The following KATNA1 variants were observed in gnomAD, a reference collection of about 807,000 sequenced individuals.
KATNA1 encodes katanin p60 ATPase-containing subunit A1.
A neutral mutation model predicts 62.6 loss-of-function variants in KATNA1; 42 were observed. The ratio of observed to expected loss-of-function variants is 0.67; its 90% CI spans 0.52 to 0.87. The LOEUF (loss-of-function observed/expected upper bound fraction) is 0.87, where lower values mean the gene tolerates loss of function less well. KATNA1 is among the 40% of genes least tolerant of loss of function. The probability of loss-of-function intolerance (pLI) is 0.00; values close to 1 mark genes in which losing one functional copy is unlikely to be tolerated. For synonymous variants in KATNA1, 186 were observed against 201.9 expected, an observed-to-expected ratio of 0.92 and a Z score of 0.67; for missense variants, 498 against 612.5, an observed-to-expected ratio of 0.81 and a Z score of 1.97.
chr6:149,634,488 GTTTCATTTTTGTCAAAC>G (rs1340645958), intron 2 of KATNA1, among the ~76,000 whole-genome samples: 1 of 151,908 alleles, frequency 6.6e-6, no homozygotes, highest in Non-Finnish European at 1.5e-5. Context: ...ACTTGTGAAA[GTTTCATTTTTGTCAAAC>G]TTTTATTTTT....
At chr6:149,645,967 A>T (rs1055962378) in intron 1 of KATNA1, among the ~76,000 whole-genome samples, 1 of 152,044 alleles carries the variant, frequency 6.6e-6, no homozygotes, top group Non-Finnish European at 1.5e-5. Flanking sequence ...GAGTTCTAAG[A>T]TTCTTATTCT....
At chr6:149,642,307 A>G (rs1780321624) in intron 1 of KATNA1, among the ~76,000 whole-genome samples, 2 of 152,306 alleles carry the variant, frequency 1.3e-5, no homozygotes, top group African/African-American at 2.4e-5. Context: ...ATAAACTGGC[A>G]TAGTCATTTT....
chr6:149,616,678 C>A (rs866332131), intron 4 of KATNA1, among the ~76,000 whole-genome samples: 7 of 152,028 alleles, frequency 4.6e-5, no homozygotes, highest in Admixed American at 2.6e-4. Context: ...CACTTGAACC[C>A]GGTAAGCGGA....
At chr6:149,623,964 G>A (rs916999503) in intron 3 of KATNA1, among the ~76,000 whole-genome samples, 1 of 152,106 alleles carries the variant, frequency 6.6e-6, no homozygotes, top group African/African-American at 2.4e-5. Context: ...TACAATACAA[G>A]TATTCAATTC....
chr6:149,643,123 C>T (rs1780352839), intron 1 of KATNA1, among the ~76,000 whole-genome samples: 1 of 152,200 alleles, frequency 6.6e-6, no homozygotes, highest in African/African-American at 2.4e-5. Context: ...GCTCATGTGG[C>T]AAAGAGCTGA....
intron 4 of KATNA1, among the ~76,000 whole-genome samples, chr6:149,621,467 AC>A (rs906580905): frequency 2.0e-5 from 3 of 149,624 alleles, no homozygotes; most frequent in African/African-American, 7.4e-5. Flanking sequence ...AAACCATCAT[AC>A]CAATGGTATG....
chr6:149,632,744 A>G lies in KATNA1; in HGVS notation c.320+15T>C. 1 of 1,593,380 alleles carries G rather than the reference A, an allele frequency of 6.3e-7. No homozygotes were observed. The highest frequency in any genetic ancestry group is 8.5e-7 in the Non-Finnish European group (1 of 1,174,212). ...CTTCTTGGGATAACTGGTTTCTTAA[A>G]AGGTTTCCACTTACCTTCGTTCAAC... On this transcript the variant is annotated intron_variant, in intron 3 of 10. Transcript: ENST00000367411.
rs144783670 is a variant in KATNA1, at chr6:149,614,080, C to T, written c.501+9023G>A. 2.1e-3 allele frequency among the ~76,000 whole-genome samples: 324 copies of T among 152,258 alleles called. 3 individuals are homozygous for T. Among genetic ancestry groups the T allele is most frequent in the African/African-American group, 7.5e-3 (313 of 41,542 alleles). ...AAAAATCCTGTTCTTTATAGATTAC[C>T]CAGTCTGTGGTATTCTGTGATAGCA... On this transcript the variant is annotated intron_variant, in intron 4 of 10. Transcript: ENST00000367411.
At chr6:149,607,765 G>C (rs1264831610) in intron 4 of KATNA1, among the ~76,000 whole-genome samples, 1 of 152,066 alleles carries the variant, frequency 6.6e-6, no homozygotes, top group Non-Finnish European at 1.5e-5. Context: ...TAAGTCCTTG[G>C]GTTTAAAACT....
Position 149,597,187 on chromosome 6 carries a change from T to C in KATNA1, c.1153A>G (p.Lys385Glu). 6.2e-7 allele frequency: 1 copy of C among 1,613,008 alleles called. No homozygotes were observed. ...KRIYIPLPSAKGREELLRISL... is the reference protein window; with the variant it reads ...KRIYIPLPSAEGREELLRISL... The stretch of plus-strand genomic sequence containing the variant: ...ATTCGTAATAGCTCCTCCCTGCCTT[T>C]TGCTAATGGTAGAAACAAATTTTAA... The change falls in exon 10 of 11, where the codon AAA becomes GAA. Residue 385 changes from lysine to glutamate, a missense_variant and splice_region_variant. Physicochemically the swap from Lys to Glu is moderately conservative, Grantham distance 56. Transcript: ENST00000367411.
intron 4 of KATNA1, among the ~76,000 whole-genome samples, chr6:149,605,922 G>T (rs1473348164): frequency 6.6e-6 from 1 of 151,970 alleles, no homozygotes; most frequent in Non-Finnish European, 1.5e-5. Context: ...GCACCACCAC[G>T]CCCGGCTAAT....
At chr6:149,612,583 T>A (rs762535595) in intron 4 of KATNA1, among the ~76,000 whole-genome samples, 3 of 152,156 alleles carry the variant, frequency 2.0e-5, no homozygotes, top group Non-Finnish European at 4.4e-5. Context: ...AATTTCTCAA[T>A]TCATTTTATA....
rs1432420049 is a variant in KATNA1, at chr6:149,638,756, A to G, written c.-13-196T>C. The stretch of plus-strand genomic sequence containing the variant: ...TTTTTTTTTTTTTTTTTTTTTTTTG[A>G]GACGGAGTCTCGCTCTGTGGCCCCG... On this transcript the variant is annotated intron_variant, in intron 1 of 10. Transcript: ENST00000367411. 9.0e-3 allele frequency among the ~76,000 whole-genome samples: 287 copies of G among 31,828 alleles called. 3 individuals carry two copies. The highest frequency in any genetic ancestry group is 0.014 in the Non-Finnish European group (224 of 16,472). 20.9% of individuals were successfully genotyped at this position (31,828 alleles called of 152,430 possible). A position where few individuals can be genotyped will look rare whatever the true frequency, so the allele number is the denominator to read the frequency against.
intron 3 of KATNA1, among the ~76,000 whole-genome samples, chr6:149,630,760 G>A (rs9406285): frequency 1.2e-4 from 19 of 152,174 alleles, no homozygotes; most frequent in East Asian, 3.9e-4. Context: ...CAGAATCACC[G>A]GCAGATTCCT....
chr6:149,638,676 C>G (rs1404226674), intron 1 of KATNA1, 116 bp from the exon 2 acceptor site: 7 of 614,546 alleles, frequency 1.1e-5, no homozygotes, highest in Non-Finnish European at 1.7e-5. Flanking sequence ...ACATACCACA[C>G]TTCCCATCTC....
chr6:149,595,335 C>T, intron 10 of KATNA1, 101 bp from the exon 11 acceptor site: 1 of 764,970 alleles, frequency 1.3e-6, no homozygotes, highest in East Asian at 2.7e-5. Flanking sequence ...TTGTAGCATT[C>T]TCTAATTATA....
chr6:149,604,548 A>G (rs1349661711), intron 5 of KATNA1, 113 bp downstream of exon 5: 13 of 1,115,126 alleles, frequency 1.2e-5, no homozygotes, highest in Non-Finnish European at 8.1e-6. Context: ...CACGCTGCAC[A>G]TACTCCGGTT....
Position 149,597,516 on chromosome 6 carries a change from A to G in KATNA1, c.1141T>C (p.Leu381=). The G allele has an allele frequency of 6.2e-7, 1 of 1,613,998 alleles. No homozygotes were observed. The highest frequency in any genetic ancestry group is 8.5e-7 in the Non-Finnish European group (1 of 1,179,968). The change falls in exon 9 of 11, where the codon TTG becomes CTG. Residue 381 remains leucine, a synonymous_variant. Transcript: ENST00000367411. The stretch of plus-strand genomic sequence containing the variant: ...ATTGAAAGGAAGATACCTGACGGCA[A>G]AGGAATATAGATTCGTTTCTCAAGG... ...RRLEKRIYIP[L]PSAKGREELL...
chr6:149,612,899 G>A (rs932011330), intron 4 of KATNA1, among the ~76,000 whole-genome samples: 1 of 151,936 alleles, frequency 6.6e-6, no homozygotes, highest in Non-Finnish European at 1.5e-5. Context: ...TGCTAAAACT[G>A]AATACCTATC....
Sources: gnomAD v4.1 joint callset for allele counts (sites outside exome capture counted in the v4.1 genomes callset) on GRCh38, gnomAD v4.1.1 for gene constraint, MANE v1.5 for transcripts, NCBI Gene and HGNC (gene_info 2026-07-23, HGNC 2026-07-21) for gene names.